SLC23A1: variants seen among roughly 807,000 people sequenced by gnomAD.
SLC23A1 encodes Na(+)/L-ascorbic acid transporter 1.
SLC23A1 carries 31 observed loss-of-function variants against 62.5 expected under a neutral mutation model. The ratio of observed to expected loss-of-function variants is 0.50; its 90% CI spans 0.37 to 0.67. The LOEUF is 0.67. Ranked by LOEUF, SLC23A1 falls within the 30% of genes least tolerant of loss-of-function variation. The pLI, the probability that SLC23A1 is intolerant of heterozygous loss-of-function variation, is 0.00. For synonymous variants in SLC23A1, 271 were observed against 313.2 expected, an observed-to-expected ratio of 0.87 and a Z score of 1.42; for missense variants, 640 against 782.7, an observed-to-expected ratio of 0.82 and a Z score of 2.18.
intron 2 of SLC23A1, 96 bp from the exon 3 acceptor site, chr5:139,382,145 T>A: frequency 1.6e-6 from 2 of 1,287,210 alleles, no homozygotes; most frequent in Non-Finnish European, 2.2e-6. Context: ...TCAGCGGGCC[T>A]GGAACCGGCT....
rs770181331 is a variant in SLC23A1, at chr5:139,380,321, G to GGCCCCAGGCA, written c.524_533dup (p.Leu179AlafsTer120). 5 of 1,609,428 alleles carry GGCCCCAGGCA rather than the reference G, an allele frequency of 3.1e-6. No homozygotes were observed. Among genetic ancestry groups the GGCCCCAGGCA allele is most frequent in the Non-Finnish European group, 3.4e-6 (4 of 1,178,052 alleles). ...TGAGAGGCCCAATGTAGTTGAGCAG[G>GGCCCCAGGCA]GCCCCAGGCAGCCCCAGCAGGCCAA... On this transcript the variant is annotated frameshift_variant, in exon 6 of 15. Transcript: ENST00000348729. LOFTEE classifies it high-confidence loss of function.
intron 14 of SLC23A1, 74 bp downstream of exon 14, chr5:139,371,913 G>T (rs1422293357): frequency 2.7e-6 from 3 of 1,113,100 alleles, no homozygotes; most frequent in South Asian, 1.5e-5. Flanking sequence ...TGAGTAGTTT[G>T]GTTTTTCTTT....
chr5:139,372,464 A>G (rs1757720598), intron 13 of SLC23A1, among the ~76,000 whole-genome samples: 1 of 152,230 alleles, frequency 6.6e-6, no homozygotes, highest in African/African-American at 2.4e-5. Flanking sequence ...AGTAGTATTT[A>G]TTGTGTAACT....
chr5:139,384,422 G>A, upstream of SLC23A1: 1 of 1,289,812 alleles, frequency 7.8e-7, no homozygotes, highest in Non-Finnish European at 1.0e-6. Context: ...CCGCTCTCCA[G>A]CTGGGCAGCA....
chr5:139,376,473 G>A (rs141418990), intron 13 of SLC23A1, among the ~76,000 whole-genome samples: 1,853 of 152,256 alleles, frequency 0.012, 24 homozygotes, highest in African/African-American at 0.042. Context: ...CGGCCGTGAT[G>A]TTTTAATTTT....
At chr5:139,371,835 G>A (rs572648850) in intron 14 of SLC23A1, among the ~76,000 whole-genome samples, 152 bp downstream of exon 14, 14 of 152,212 alleles carry the variant, frequency 9.2e-5, no homozygotes, top group African/African-American at 3.1e-4. Context: ...CCCAAAATCC[G>A]TATGTTGACT....
Position 139,380,629 on chromosome 5 carries a change from T to C in SLC23A1, c.401A>G (p.Glu134Gly), listed in dbSNP as rs1294515889. The change falls in exon 5 of 15, where the codon GAG (glutamate) becomes GGG (glycine). Residue 134 changes from glutamate (E) to glycine (G), a missense_variant. By Grantham distance (98) the Glu-to-Gly change is moderately conservative. Coordinates refer to ENST00000348729, the MANE Select transcript of SLC23A1 (RefSeq NM_005847.5). ...GGGCAGACTCCAGTTACCGTAGATC[T>C]CCTCTGGGGGTAGAGTCAGGGATAC... The part of the protein sequence containing the change: ...LERWKCPPEE[E>G]IYGNWSLPLN... The C allele has an allele frequency of 6.2e-7, 1 of 1,612,532 alleles. No homozygotes were observed. Among genetic ancestry groups the C allele is most frequent in the Admixed American group, 1.7e-5 (1 of 60,014 alleles).
intron 13 of SLC23A1, among the ~76,000 whole-genome samples, chr5:139,375,984 A>G (rs1335169171): frequency 1.3e-5 from 2 of 151,998 alleles, no homozygotes; most frequent in African/African-American, 4.8e-5. Flanking sequence ...AAATTCAAAA[A>G]TTAGCCGGGC....
At chr5:139,380,767 T>C (rs759795143) in intron 4 of SLC23A1, 31 bp downstream of exon 4, 11 of 1,498,632 alleles carry the variant, frequency 7.3e-6, no homozygotes, top group Admixed American at 1.9e-5. Context: ...CCTCCCCTTT[T>C]CCCCAGTGCA....
chr5:139,380,777 A>G, intron 4 of SLC23A1, 21 bp downstream of exon 4: 1 of 1,523,774 alleles, frequency 6.6e-7, no homozygotes, highest in East Asian at 2.3e-5. Context: ...TCCCCAGTGC[A>G]GACCCCAGAA....
rs1037309804 is a variant in SLC23A1, at chr5:139,381,937, G to A, written c.263C>T (p.Thr88Met). 11 of 1,582,370 alleles carry A rather than the reference G, an allele frequency of 7.0e-6. No homozygotes were observed. The highest frequency in any genetic ancestry group is 2.0e-4 in the Middle Eastern group (1 of 5,076). Residue 88 changes from threonine to methionine, a missense_variant, in exon 3 of 15, where the codon ACG becomes ATG. Transcript: ENST00000348729. Reference sequence around the variant, plus strand: ...GATGAGAGTGGTGATGCCCACGCACGTGAAGATGGTGCCGATGAGCTGACT... The same window carrying A: ...GATGAGAGTGGTGATGCCCACGCACATGAAGATGGTGCCGATGAGCTGACT... ...MVSQLIGTIFTCVGITTLIQT... is the reference protein window; with the variant it reads ...MVSQLIGTIFMCVGITTLIQT...
At chr5:139,384,616 G>T, upstream of SLC23A1, 1 of 1,251,718 alleles carries the variant, frequency 8.0e-7, no homozygotes, top group African/African-American at 1.5e-5. Flanking sequence ...TCCCCAGGGT[G>T]CTGTGGAGAC....
intron 14 of SLC23A1, chr5:139,368,708 GC>G (rs768273073): frequency 1.9e-5 from 29 of 1,561,966 alleles, no homozygotes; most frequent in Middle Eastern, 1.7e-4. Flanking sequence ...TAATGAACTT[GC>G]TTTTTTATGT....
intron 13 of SLC23A1, among the ~76,000 whole-genome samples, 187 bp from the exon 14 acceptor site, chr5:139,372,440 A>G (rs1757719159): frequency 6.6e-6 from 1 of 152,220 alleles, no homozygotes; most frequent in South Asian, 2.1e-4. Context: ...GGAACACTAA[A>G]GGATACTAGT....
chr5:139,382,039 GT>G lies in SLC23A1; in HGVS notation c.160del (p.Thr54HisfsTer90), dbSNP rs1758296567. 6.2e-7 allele frequency: 1 copy of G among 1,608,790 alleles called. No homozygotes were observed. The highest frequency in any genetic ancestry group is 8.5e-7 in the Non-Finnish European group (1 of 1,177,604). The stretch of plus-strand genomic sequence containing the variant: ...CACGGCGATGGTACCACTGAAGCAT[GT>G]CAGGTAGTGCTGGGCAGAGGGAGAC... ...CILLGFQHYL[T>X]CFSGTIAVPF... On this transcript the variant is annotated frameshift_variant, in exon 3 of 15. Transcript: ENST00000348729. LOFTEE classifies it high-confidence loss of function.
chr5:139,382,446 C>T (rs1758318259), intron 2 of SLC23A1, 46 bp downstream of exon 2: 1 of 1,148,354 alleles, frequency 8.7e-7, no homozygotes, highest in Non-Finnish European at 1.3e-6. Context: ...GCTGGAGTCC[C>T]CGGGGAGTGT....
chr5:139,384,712 C>A (rs571844996), upstream of SLC23A1: 8 of 985,466 alleles, frequency 8.1e-6, no homozygotes, highest in South Asian at 2.8e-4. Context: ...AGGTGGAGAA[C>A]ACGGTCCCAG....
intron 4 of SLC23A1, 53 bp downstream of exon 4, chr5:139,380,745 C>T (rs1581376240): frequency 6.8e-6 from 10 of 1,462,430 alleles, no homozygotes; most frequent in Middle Eastern, 1.7e-4. Flanking sequence ...CTCAGACCTC[C>T]AGGTCTCTGG....
chr5:139,372,563 T>TAC (rs747602743), intron 13 of SLC23A1, among the ~76,000 whole-genome samples: 5 of 152,140 alleles, frequency 3.3e-5, no homozygotes, highest in Non-Finnish European at 7.3e-5. Context: ...GACACCATTG[T>TAC]ACAAATTTTT....
Sources: gnomAD v4.1 joint callset for allele counts (sites outside exome capture counted in the v4.1 genomes callset) on GRCh38, gnomAD v4.1.1 for gene constraint, MANE v1.5 for transcripts, NCBI Gene and HGNC (gene_info 2026-07-23, HGNC 2026-07-21) for gene names.